The following SMG6 variants were observed in gnomAD, a reference collection of about 807,000 sequenced individuals.
SMG6 encodes telomerase-binding protein EST1A.
A neutral mutation model predicts 142.2 loss-of-function variants in SMG6; 66 were observed. The observed-to-expected ratio is 0.46, with a 90% CI of 0.38 to 0.57. SMG6 has a LOEUF of 0.57. Among genes scored for constraint, SMG6 ranks in the 20% least tolerant of loss-of-function variants. The pLI is 0.00. For synonymous variants in SMG6, 779 were observed against 702.4 expected (o/e 1.11, Z -1.72); for missense variants, 1,793 against 1,832.0 (o/e 0.98, Z 0.39).
chr17:2,167,697 C>T (rs765771371), intron 13 of SMG6, among the ~76,000 whole-genome samples: 23 of 152,132 alleles, frequency 1.5e-4, no homozygotes, highest in Non-Finnish European at 2.8e-4. Context: ...GTTGGCAATA[C>T]GTGTTTCGTA....
chr17:2,185,093 A>G (rs2071936083), intron 12 of SMG6, among the ~76,000 whole-genome samples: 1 of 152,128 alleles, frequency 6.6e-6, no homozygotes, highest in African/African-American at 2.4e-5. Context: ...ACTCAAGGAT[A>G]TACAGACACA....
At chr17:2,120,304 T>A (rs2069646806) in intron 13 of SMG6, among the ~76,000 whole-genome samples, 1 of 152,210 alleles carries the variant, frequency 6.6e-6, no homozygotes. Flanking sequence ...AAAACATGTA[T>A]CTGACAAATT....
chr17:2,095,762 G>A (rs932825412), intron 13 of SMG6, among the ~76,000 whole-genome samples: 2 of 152,148 alleles, frequency 1.3e-5, no homozygotes, highest in Non-Finnish European at 2.9e-5. Context: ...GATGGGTCCC[G>A]AGGAAGTCGG....
At chr17:2,091,640 C>T (rs867495595) in intron 13 of SMG6, among the ~76,000 whole-genome samples, 2 of 151,698 alleles carry the variant, frequency 1.3e-5, no homozygotes, top group South Asian at 4.2e-4. Context: ...CTATGTAAAG[C>T]GTTAAGTACA....
At chr17:2,112,529 AAAT>A (rs2069365522) in intron 13 of SMG6, among the ~76,000 whole-genome samples, 34 of 5,854 alleles carry the variant, frequency 5.8e-3, no homozygotes, top group East Asian at 0.021. Context: ...AATAAAAAAT[AAAT>A]AAATAAATAA....
chr17:2,156,060 T>G (rs757662396), intron 13 of SMG6, among the ~76,000 whole-genome samples: 1 of 131,526 alleles, frequency 7.6e-6, no homozygotes, highest in Non-Finnish European at 1.6e-5. Flanking sequence ...TTTTTTAAAA[T>G]AATGAACAAA....
intron 10 of SMG6, among the ~76,000 whole-genome samples, chr17:2,230,305 C>CAA (rs869124628): frequency 7.4e-4 from 12 of 16,264 alleles, no homozygotes; most frequent in South Asian, 3.5e-3. Context: ...CATGTCGGGG[C>CAA]AAAAAAAAAA....
Position 2,252,265 on chromosome 17 carries a change from C to T in SMG6, c.2662-7546G>A, listed in dbSNP as rs1004030292. On this transcript the variant is annotated intron_variant, in intron 8 of 18. Coordinates refer to ENST00000263073, the MANE Select transcript of SMG6 (RefSeq NM_017575.5). ...TCTCTACTAAAAATACAAAAATTAG[C>T]TGGGTGTGCCTATAGTCCCAGCTAC... is the stretch of plus-strand genomic sequence containing the variant. Among the ~76,000 whole-genome samples, 9 of 151,690 alleles carry T rather than the reference C, an allele frequency of 5.9e-5. No individual in the cohort carries two copies. In the East Asian group the frequency reaches 1.6e-3, roughly 26 times the overall value.
chr17:2,070,113 C>G (rs1048406716), intron 15 of SMG6, among the ~76,000 whole-genome samples: 1 of 152,218 alleles, frequency 6.6e-6, no homozygotes, highest in Non-Finnish European at 1.5e-5. Context: ...CAGCGCTTGC[C>G]TTCCCTGTGG....
At chr17:2,130,339 A>T (rs1243611975) in intron 13 of SMG6, among the ~76,000 whole-genome samples, 1 of 151,646 alleles carries the variant, frequency 6.6e-6, no homozygotes, top group Non-Finnish European at 1.5e-5. Context: ...ATGATACTTA[A>T]ATTAGTAACA....
chr17:2,286,813 G>A (rs1330662444), intron 6 of SMG6, among the ~76,000 whole-genome samples: 3 of 150,406 alleles, frequency 2.0e-5, no homozygotes, highest in African/African-American at 4.9e-5. Context: ...AGAATGAAAA[G>A]ACAATCCACA....
At chr17:2,289,941 C>CATATATATATATATAT (rs3055883) in intron 6 of SMG6, among the ~76,000 whole-genome samples, 15 of 141,580 alleles carry the variant, frequency 1.1e-4, no homozygotes, top group African/African-American at 2.8e-4. Flanking sequence ...TTATTTTATA[C>CATATATATATATATAT]ATATATATAT....
intron 13 of SMG6, among the ~76,000 whole-genome samples, chr17:2,124,486 G>A (rs912096501): frequency 6.6e-6 from 1 of 152,174 alleles, no homozygotes; most frequent in Non-Finnish European, 1.5e-5. Context: ...GGGTTCCTCC[G>A]CAGAGAGTCG....
intron 10 of SMG6, among the ~76,000 whole-genome samples, chr17:2,216,392 A>G (rs570388886): frequency 6.6e-6 from 1 of 152,244 alleles, no homozygotes; most frequent in East Asian, 1.9e-4. Flanking sequence ...GAAGATTTAA[A>G]CCGTGATTTC....
At chr17:2,086,916 T>A (rs1369269164) in intron 13 of SMG6, among the ~76,000 whole-genome samples, 1 of 152,114 alleles carries the variant, frequency 6.6e-6, no homozygotes, top group Non-Finnish European at 1.5e-5. Context: ...CCATTCCACA[T>A]GGGAAACACA....
chr17:2,103,175 CAT>C (rs2040982079), intron 13 of SMG6, among the ~76,000 whole-genome samples: 1 of 152,166 alleles, frequency 6.6e-6, no homozygotes, highest in South Asian at 2.1e-4. Flanking sequence ...ACTCTCTTTC[CAT>C]TCTTACAGGT....
chr17:2,297,753 T>G, intron 3 of SMG6, 110 bp downstream of exon 3: 1 of 1,309,626 alleles, frequency 7.6e-7, no homozygotes, highest in Non-Finnish European at 1.1e-6. Context: ...AAAAGGGCAG[T>G]TTTTTTGTCG....
intron 13 of SMG6, among the ~76,000 whole-genome samples, chr17:2,091,825 C>T (rs1170220141): frequency 1.4e-5 from 2 of 143,608 alleles, no homozygotes; most frequent in East Asian, 2.0e-4. Context: ...CACCCGCCAC[C>T]ACGCCCAGCT....
chr17:2,243,996 A>T (rs2073872423), intron 9 of SMG6, among the ~76,000 whole-genome samples: 1 of 152,134 alleles, frequency 6.6e-6, no homozygotes, highest in African/African-American at 2.4e-5. Context: ...CACTAGTTTT[A>T]TGCAGAGAGG....
Sources: allele counts gnomAD v4.1 joint callset (sites outside exome capture counted in the v4.1 genomes callset), GRCh38; gene constraint gnomAD v4.1.1; transcripts MANE v1.5; gene names NCBI Gene and HGNC (gene_info 2026-07-23, HGNC 2026-07-21).